The following BNC2 variants were observed in gnomAD, a reference collection of about 807,000 sequenced individuals.
BNC2 encodes the protein basonuclin zinc finger protein 2, also known as zinc finger protein basonuclin-2.
Under a neutral mutation model 76.3 loss-of-function variants are expected in BNC2, and 20 were observed. The ratio of observed to expected loss-of-function variants is 0.26; its 90% CI spans 0.18 to 0.38. The LOEUF (loss-of-function observed/expected upper bound fraction) is 0.38, where lower values mean the gene tolerates loss of function less well. Ranked by LOEUF, BNC2 falls within the 10% of genes least tolerant of loss-of-function variation. BNC2 has a pLI of 1.00. For missense variants in BNC2, 1,382 were observed against 1,399.8 expected, an observed-to-expected ratio of 0.99 and a Z score of 0.20; for synonymous variants, 582 against 514.8, an observed-to-expected ratio of 1.13 and a Z score of -1.77.
chr9:16,760,114 G>A (rs1239724257), intron 1 of BNC2, among the ~76,000 whole-genome samples: 1 of 152,176 alleles, frequency 6.6e-6, no homozygotes, highest in Non-Finnish European at 1.5e-5. Context: ...TTCCATGGGG[G>A]AAGGCAGGAC....
chr9:16,642,293 C>A (rs2133861941), intron 3 of BNC2, among the ~76,000 whole-genome samples: 1 of 152,252 alleles, frequency 6.6e-6, no homozygotes, highest in South Asian at 2.1e-4. Flanking sequence ...CAATAGCGTT[C>A]TGTTTTATAA....
At position 16,683,989 on chromosome 9, in the gene BNC2, C is replaced by T. The variant is rs182334957; in HGVS notation, c.330+43808G>A. 1.3e-4 allele frequency among the ~76,000 whole-genome samples: 20 copies of T among 152,258 alleles called. No homozygotes were observed. In the East Asian group the frequency reaches 2.9e-3, roughly 22 times the overall value. On this transcript the variant is annotated intron_variant, in intron 3 of 6. Transcript: ENST00000380672. ...AAGGTCCTTTCTGAACTATCAACCC[C>T]ACAATCTGGTTCATCTACAACCAGA...
intron 5 of BNC2, among the ~76,000 whole-genome samples, chr9:16,458,723 GAT>G (rs1821508880): frequency 6.6e-6 from 1 of 152,214 alleles, no homozygotes; most frequent in Non-Finnish European, 1.5e-5. Context: ...AGGGAGGTGT[GAT>G]ATACATTTGG....
At chr9:16,691,197 C>T (rs915498454) in intron 3 of BNC2, among the ~76,000 whole-genome samples, 6 of 152,170 alleles carry the variant, frequency 3.9e-5, no homozygotes, top group South Asian at 2.1e-4. Flanking sequence ...GGGCTTTACA[C>T]GTAATATTTA....
intron 3 of BNC2, among the ~76,000 whole-genome samples, chr9:16,700,758 G>A (rs944569805): frequency 2.0e-5 from 3 of 151,966 alleles, no homozygotes; most frequent in Admixed American, 6.5e-5. Context: ...TCCAGAGTTC[G>A]AAACCAGCCT....
chr9:16,694,271 G>A (rs1165394077), intron 3 of BNC2, among the ~76,000 whole-genome samples: 1 of 152,114 alleles, frequency 6.6e-6, no homozygotes, highest in African/African-American at 2.4e-5. Flanking sequence ...ATATGTTGTG[G>A]CATCAGAAAG....
intron 4 of BNC2, among the ~76,000 whole-genome samples, chr9:16,577,619 G>A (rs748047653): frequency 2.0e-5 from 3 of 152,006 alleles, no homozygotes; most frequent in Non-Finnish European, 4.4e-5. Flanking sequence ...GGAGTTTGGA[G>A]AAAATATAGG....
chr9:16,552,797 G>T (rs1818706729), intron 4 of BNC2, 32 bp from the exon 5 acceptor site: 2 of 1,543,568 alleles, frequency 1.3e-6, no homozygotes, highest in East Asian at 2.2e-5. Flanking sequence ...TCCAGAGATG[G>T]GGGTGTTGGG....
chr9:16,422,282 T>C (rs1820725862), intron 6 of BNC2, among the ~76,000 whole-genome samples: 1 of 152,204 alleles, frequency 6.6e-6, no homozygotes. Context: ...TGTTCAACAG[T>C]GTCCCTTTTC....
chr9:16,685,425 C>T (rs373914660), intron 3 of BNC2: 2 of 491,746 alleles, frequency 4.1e-6, no homozygotes, highest in Admixed American at 2.6e-5. Context: ...ACACTGGTTC[C>T]TCTTTACACC....
At chr9:16,745,726 T>A (rs1481709298) in intron 1 of BNC2, among the ~76,000 whole-genome samples, 1 of 152,184 alleles carries the variant, frequency 6.6e-6, no homozygotes, top group East Asian at 1.9e-4. Flanking sequence ...TAACACTGAA[T>A]TGCATTCCAT....
intron 3 of BNC2, among the ~76,000 whole-genome samples, chr9:16,632,365 C>CA (rs1266035123): frequency 6.6e-6 from 1 of 151,148 alleles, no homozygotes; most frequent in East Asian, 2.0e-4. Flanking sequence ...AAAGCACAAA[C>CA]AAAAAAACTG....
intron 1 of BNC2, among the ~76,000 whole-genome samples, chr9:16,749,589 A>G (rs971729955): frequency 1.3e-5 from 2 of 151,908 alleles, no homozygotes; most frequent in African/African-American, 4.8e-5. Context: ...GGTCCCTACT[A>G]CTCAGGAGGC....
At chr9:16,809,784 C>CA (rs1222343216) in intron 1 of BNC2, among the ~76,000 whole-genome samples, 2 of 151,772 alleles carry the variant, frequency 1.3e-5, no homozygotes, top group Admixed American at 6.6e-5. Flanking sequence ...CTCAAAAACA[C>CA]AAAAAAAGAA....
intron 2 of BNC2, among the ~76,000 whole-genome samples, chr9:16,728,527 C>T (rs995488405): frequency 1.3e-5 from 2 of 152,010 alleles, no homozygotes; most frequent in African/African-American, 4.8e-5. Flanking sequence ...ATTTGTAAAA[C>T]TGTGATACTT....
intron 4 of BNC2, chr9:16,579,898 A>G: frequency 5.1e-6 from 2 of 390,176 alleles, no homozygotes; most frequent in Non-Finnish European, 9.0e-6. Flanking sequence ...TTAGCAGCAG[A>G]TATTAAAAAT....
chr9:16,507,072 C>A (rs1258400975), intron 5 of BNC2, among the ~76,000 whole-genome samples: 2 of 151,894 alleles, frequency 1.3e-5, no homozygotes, highest in African/African-American at 4.8e-5. Flanking sequence ...TCTATAAGGC[C>A]CGCCTGACCT....
chr9:16,437,228 C>G lies in BNC2; in HGVS notation c.966G>C (p.Leu322=), dbSNP rs142793779. The change falls in exon 6 of 7, where the codon CTG becomes CTC. Residue 322 remains leucine, a synonymous_variant. Transcript: ENST00000380672. ...CAGGGTTTATGTACTGGAATGGAAG[C>G]AGAAATGCAAGGCTGTTTGGGATGT... ...FENIPNSLAF[L]LPFQYINPVS... is the part of the protein sequence containing the mutation. 31 of 1,614,008 alleles carry G rather than the reference C, an allele frequency of 1.9e-5. No individual in the cohort carries two copies. The highest frequency in any genetic ancestry group is 2.4e-5 in the Non-Finnish European group (28 of 1,180,024).
At chr9:16,681,932 C>T (rs938893464) in intron 3 of BNC2, among the ~76,000 whole-genome samples, 4 of 151,874 alleles carry the variant, frequency 2.6e-5, no homozygotes, top group South Asian at 2.1e-4. Context: ...GTTGGGGGAC[C>T]GGTGCGCTGG....
Sources: allele counts gnomAD v4.1 joint callset (sites outside exome capture counted in the v4.1 genomes callset), GRCh38; gene constraint gnomAD v4.1.1; transcripts MANE v1.5; gene names NCBI Gene and HGNC (gene_info 2026-07-23, HGNC 2026-07-21).